The following KIAA1614 variants were observed in gnomAD, a reference collection of about 807,000 sequenced individuals.
The protein encoded by KIAA1614 is uncharacterized protein KIAA1614.
A neutral mutation model predicts 88.7 loss-of-function variants in KIAA1614; 76 were observed. The observed-to-expected ratio is 0.86, with a 90% confidence interval of 0.71 to 1.04. The LOEUF (loss-of-function observed/expected upper bound fraction) is 1.04. Among genes scored for constraint, KIAA1614 ranks in the 50% least tolerant of loss-of-function variants. The pLI is 0.00. For missense variants in KIAA1614, 1,553 were observed against 1,582.5 expected, an observed-to-expected ratio of 0.98 and a Z score of 0.32; for synonymous variants, 714 against 675.5, an observed-to-expected ratio of 1.06 and a Z score of -0.88.
chr1:180,936,579 G>T lies in KIAA1614; in HGVS notation c.2670G>T (p.Gln890His). The change falls in exon 5 of 9, where the codon CAG becomes CAT. Residue 890 changes from glutamine to histidine, a missense_variant. Physicochemically the swap from Gln to His is conservative, Grantham distance 24. Transcript: ENST00000367588. ...NCNNSAPRGLQEPYGGAVHEG... is the reference protein window; with the variant it reads ...NCNNSAPRGLHEPYGGAVHEG... ...ACAACAGCGCACCTCGGGGGCTGCA[G>T]GAGCCCTACGGGGGAGCCGTCCACG... The T allele has an allele frequency of 6.2e-7, 1 of 1,613,100 alleles. No homozygotes were observed. Among genetic ancestry groups the T allele is most frequent in the Non-Finnish European group, 8.5e-7 (1 of 1,179,864 alleles).
At chr1:180,917,251 T>A in intron 2 of KIAA1614, 151 bp downstream of exon 2, 1 of 659,136 alleles carries the variant, frequency 1.5e-6, no homozygotes, top group Non-Finnish European at 2.6e-6. Flanking sequence ...CAGGATGGCC[T>A]CTTGTCCTTG....
intron 3 of KIAA1614, among the ~76,000 whole-genome samples, chr1:180,919,178 G>A (rs141805593): frequency 2.2e-3 from 335 of 152,194 alleles, no homozygotes; most frequent in African/African-American, 7.3e-3. Flanking sequence ...CTCCACCCCC[G>A]CACCTGCCTT....
chr1:180,938,986 G>A (rs973432452), intron 6 of KIAA1614, among the ~76,000 whole-genome samples: 2 of 152,252 alleles, frequency 1.3e-5, no homozygotes, highest in African/African-American at 4.8e-5. Flanking sequence ...CAGAGCCCTA[G>A]CCCTGGGGAG....
intron 6 of KIAA1614, among the ~76,000 whole-genome samples, chr1:180,940,577 G>A (rs1039791858): frequency 6.6e-6 from 1 of 152,010 alleles, no homozygotes; most frequent in African/African-American, 2.4e-5. Flanking sequence ...GGGCTTGCCT[G>A]AGCTATACTC....
At chr1:180,925,270 C>T (rs1373490201) in intron 3 of KIAA1614, among the ~76,000 whole-genome samples, 1 of 152,206 alleles carries the variant, frequency 6.6e-6, no homozygotes, top group East Asian at 1.9e-4. Flanking sequence ...TTCCACTTCC[C>T]CTCATTCAGA....
chr1:180,933,593 C>T (rs546547430), intron 4 of KIAA1614, among the ~76,000 whole-genome samples: 19 of 152,188 alleles, frequency 1.2e-4, no homozygotes, highest in Non-Finnish European at 2.2e-4. Flanking sequence ...TGATAGAAAA[C>T]GGCCTGTGGA....
At chr1:180,921,942 C>T (rs1269413686) in intron 3 of KIAA1614, among the ~76,000 whole-genome samples, 3 of 152,214 alleles carry the variant, frequency 2.0e-5, no homozygotes, top group Non-Finnish European at 2.9e-5. Context: ...CGCAGATTGC[C>T]TTAGGATCCC....
In KIAA1614 at chr1:180,936,588, C is replaced by G. The variant is rs771288447; in HGVS notation, c.2679C>G (p.Tyr893Ter). 13 of 1,611,776 alleles carry G rather than the reference C, an allele frequency of 8.1e-6. No homozygotes were observed. Among genetic ancestry groups the G allele is most frequent in the Non-Finnish European group, 1.0e-5 (12 of 1,179,480 alleles). The change falls in exon 5 of 9, where the codon TAC becomes TAG. Residue 893 changes from tyrosine (Y) to a stop codon, truncating the protein, a stop_gained. Coordinates refer to ENST00000367588, the MANE Select transcript of KIAA1614 (RefSeq NM_020950.2). LOFTEE classifies it high-confidence loss of function. ...NSAPRGLQEP[Y>*]GGAVHEGRVE... ...CACCTCGGGGGCTGCAGGAGCCCTA[C>G]GGGGGAGCCGTCCACGAGGGTAGGG... is the stretch of plus-strand genomic sequence containing the variant.
At chr1:180,945,089 G>C (rs751502290) in intron 8 of KIAA1614, 12 of 534,100 alleles carry the variant, frequency 2.2e-5, no homozygotes, top group Middle Eastern at 4.7e-4. Flanking sequence ...GGGGTTTCTA[G>C]TTCCACAGCA....
chr1:180,950,131 C>T lies in KIAA1614; in HGVS notation c.*4543C>T, dbSNP rs1558075902. The T allele has an allele frequency of 1.2e-5, 2 of 165,076 alleles. No individual in the cohort carries two copies. The highest frequency in any genetic ancestry group is 2.6e-4 in the South Asian group (2 of 7,642). 10.2% of individuals were successfully genotyped at this position (165,076 alleles called of 1,614,324 possible). A position where few individuals can be genotyped will look rare whatever the true frequency, so the allele number is the denominator to read the frequency against. On this transcript the variant is annotated 3_prime_UTR_variant, in exon 9 of 9. Coordinates refer to ENST00000367588, the MANE Select transcript of KIAA1614 (RefSeq NM_020950.2). ...GAATGGAGTTAGACCATGGAGGAGGCGCACTGTATCTATGTCTAAAGCCAG... is the reference window on the plus strand; with the variant it reads ...GAATGGAGTTAGACCATGGAGGAGGTGCACTGTATCTATGTCTAAAGCCAG...
Position 180,930,235 on chromosome 1 carries a change from T to C in KIAA1614, c.1205+1662T>C, listed in dbSNP as rs566683877. On this transcript the variant is annotated intron_variant, in intron 4 of 8. Coordinates refer to ENST00000367588, the MANE Select transcript of KIAA1614 (RefSeq NM_020950.2). Reference sequence around the variant, plus strand: ...GAGATCAAGACCATCCTGGCTAACATGGTGAAACCCCGTCTCTACTAAAGA... The same window carrying C: ...GAGATCAAGACCATCCTGGCTAACACGGTGAAACCCCGTCTCTACTAAAGA... Among the ~76,000 whole-genome samples the C allele has an allele frequency of 2.6e-5, 4 of 152,148 alleles. No individual in the cohort carries two copies. In the East Asian group the frequency reaches 7.7e-4, roughly 29 times the overall value.
rs772443537 is a variant in KIAA1614 at position 180,944,438 on chromosome 1, A to T, written c.3209A>T (p.His1070Leu). The change falls in exon 8 of 9, where the codon CAT becomes CTT. Residue 1070 changes from histidine (H) to leucine (L), a missense_variant. Physicochemically the swap from His to Leu is moderately conservative, Grantham distance 99. Coordinates refer to ENST00000367588, the MANE Select transcript of KIAA1614 (RefSeq NM_020950.2). Reference sequence around the variant, plus strand: ...AAAGCTGCCTCTTTTCAGAACCTCCATTCTCTGCTGAGCAGCAAGGGGAAC... The same window carrying T: ...AAAGCTGCCTCTTTTCAGAACCTCCTTTCTCTGCTGAGCAGCAAGGGGAAC... Reference protein sequence around the residue: ...RRKAASFQNLHSLLSSKGNRS... With the variant: ...RRKAASFQNLLSLLSSKGNRS... 2 of 1,613,966 alleles carry T rather than the reference A, an allele frequency of 1.2e-6. No homozygotes were observed. The highest frequency in any genetic ancestry group is 3.3e-5 in the Admixed American group (2 of 60,026).
intron 1 of KIAA1614, among the ~76,000 whole-genome samples, chr1:180,914,235 C>T (rs1315444605): frequency 6.6e-6 from 1 of 152,158 alleles, no homozygotes; most frequent in African/African-American, 2.4e-5. Flanking sequence ...AACGCTGTGG[C>T]ATGTAGATAT....
intron 1 of KIAA1614, among the ~76,000 whole-genome samples, chr1:180,914,563 T>A (rs1653735869): frequency 6.6e-6 from 1 of 151,394 alleles, no homozygotes; most frequent in Non-Finnish European, 1.5e-5. Flanking sequence ...TCTTTTCTTT[T>A]TTTTGAGACA....
At position 180,935,498 on chromosome 1, in the gene KIAA1614, C is replaced by T; in HGVS notation, c.1589C>T (p.Pro530Leu). The T allele has an allele frequency of 6.6e-7, 1 of 1,506,026 alleles. No homozygotes were observed. Among genetic ancestry groups the T allele is most frequent in the Non-Finnish European group, 8.8e-7 (1 of 1,132,440 alleles). The allele number at this position is 1,506,026 out of a possible 1,614,324, so 93.3% of individuals were successfully genotyped here. ...DRRGHPAPPA[P>L]GSERRCQACG... ...AGGGGACACCCGGCACCGCCGGCAC[C>T]GGGCAGCGAGAGGAGGTGCCAGGCC... Residue 530 changes from proline (P) to leucine (L), a missense_variant, in exon 5 of 9, where the codon CCG (proline) becomes CTG (leucine). Physicochemically the swap from Pro to Leu is moderately conservative, Grantham distance 98. Transcript: ENST00000367588. The surrounding 1 kb of genome is among the most constrained non-coding windows in gnomAD (Gnocchi z 6.1).
chr1:180,939,147 C>T (rs563753468), intron 6 of KIAA1614, among the ~76,000 whole-genome samples: 4 of 152,266 alleles, frequency 2.6e-5, no homozygotes, highest in South Asian at 2.1e-4. Flanking sequence ...GGGTGGGGAC[C>T]GAGTCCTGGC....
Position 180,916,831 on chromosome 1 carries a change from C to G in KIAA1614, c.728C>G (p.Pro243Arg). The G allele has an allele frequency of 6.2e-7, 1 of 1,614,226 alleles. No homozygotes were observed. Among genetic ancestry groups the G allele is most frequent in the South Asian group, 1.1e-5 (1 of 91,092 alleles). The change falls in exon 2 of 9, where the codon CCT (proline) becomes CGT (arginine). Residue 243 changes from proline (P) to arginine (R), a missense_variant. Physicochemically the swap from Pro to Arg is moderately radical, Grantham distance 103 (BLOSUM62 -2). Coordinates refer to ENST00000367588, the MANE Select transcript of KIAA1614 (RefSeq NM_020950.2). ...IPSPRTGRSY[P>R]FPDGVVTEAD... Reference sequence around the variant, plus strand: ...AGCCCAAGGACAGGAAGGTCCTACCCTTTTCCAGATGGCGTGGTGACAGAG... The same window carrying G: ...AGCCCAAGGACAGGAAGGTCCTACCGTTTTCCAGATGGCGTGGTGACAGAG...
Position 180,936,190 on chromosome 1 carries a change from G to C in KIAA1614, c.2281G>C (p.Gly761Arg). The C allele has an allele frequency of 1.9e-6, 3 of 1,614,170 alleles. No homozygotes were observed. Among genetic ancestry groups the C allele is most frequent in the Non-Finnish European group, 2.5e-6 (3 of 1,180,028 alleles). The change falls in exon 5 of 9, where the codon GGA (glycine) becomes CGA (arginine). Residue 761 changes from glycine (G) to arginine (R), a missense_variant. Physicochemically the swap from Gly to Arg is moderately radical, Grantham distance 125. Coordinates refer to ENST00000367588, the MANE Select transcript of KIAA1614 (RefSeq NM_020950.2). ...APMTPESSGPGGQAQVTESHE... is the reference protein window; with the variant it reads ...APMTPESSGPRGQAQVTESHE... ...CATGACGCCTGAATCATCGGGGCCA[G>C]GAGGCCAGGCCCAGGTTACAGAAAG...
In KIAA1614 at chr1:180,924,483, G is replaced by A. The variant is rs373125438; in HGVS notation, c.1062-3947G>A. On this transcript the variant is annotated intron_variant, in intron 3 of 8. Coordinates refer to ENST00000367588, the MANE Select transcript of KIAA1614 (RefSeq NM_020950.2). ...CTCCTCAGAAGTCAGCATCTTAGGC[G>A]TGCACTGCAGGCCTCCACACAGATC... is the stretch of plus-strand genomic sequence containing the variant. 1.4e-3 allele frequency among the ~76,000 whole-genome samples: 216 copies of A among 152,336 alleles called. 1 individual carries two copies. The highest frequency in any genetic ancestry group is 5.1e-3 in the African/African-American group (211 of 41,570).
Sources: allele counts gnomAD v4.1 joint callset (sites outside exome capture counted in the v4.1 genomes callset), GRCh38; gene constraint gnomAD v4.1.1; non-coding constraint Gnocchi (gnomAD v3.1); transcripts MANE v1.5; gene names NCBI Gene and HGNC (gene_info 2026-07-23, HGNC 2026-07-21).